TVP23B: variants seen among roughly 807,000 people sequenced by gnomAD.
TVP23B encodes the protein Golgi apparatus membrane protein TVP23 homolog B.
A neutral mutation model predicts 30.6 loss-of-function variants in TVP23B; 10 were observed. That is an observed-to-expected ratio of 0.33 (90% CI 0.20 to 0.55). TVP23B has a LOEUF of 0.55. Ranked by LOEUF, TVP23B falls within the 20% of genes least tolerant of loss-of-function variation. The probability of loss-of-function intolerance (pLI) is 0.91; values close to 1 mark genes in which losing one functional copy is unlikely to be tolerated. For synonymous variants in TVP23B, 67 were observed against 83.1 expected, an observed-to-expected ratio of 0.81 and a Z score of 1.06; for missense variants, 153 against 243.2, an observed-to-expected ratio of 0.63 and a Z score of 2.47.
chr17:18,792,966 C>T (rs1392626815), intron 3 of TVP23B, among the ~76,000 whole-genome samples: 1 of 152,138 alleles, frequency 6.6e-6, no homozygotes, highest in Non-Finnish European at 1.5e-5. Flanking sequence ...CTTTTGGTTT[C>T]CCTGGGCCAC....
chr17:18,789,361 T>C lies in TVP23B; in HGVS notation c.21T>C (p.Asn7=). 1 of 1,613,976 alleles carries C rather than the reference T, an allele frequency of 6.2e-7. No homozygotes were observed. Among genetic ancestry groups the C allele is most frequent in the East Asian group, 2.2e-5 (1 of 44,890 alleles). Residue 7 remains asparagine, a synonymous_variant, in exon 2 of 7, where the codon AAT becomes AAC. Coordinates refer to ENST00000307767, the MANE Select transcript of TVP23B (RefSeq NM_016078.6). MLQQDS[N]DDTEDVSLFD... ...TTTATTTTTCCTACCAGGATAGTAA[T>C]GATGACACTGAAGATGTTTCACTGT...
chr17:18,805,860 A>G lies in TVP23B; in HGVS notation c.*293A>G. 8.6e-7 allele frequency: 1 copy of G among 1,160,856 alleles called. No homozygotes were observed. Among genetic ancestry groups the G allele is most frequent in the Non-Finnish European group, 1.1e-6 (1 of 940,012 alleles). 71.9% of individuals were successfully genotyped at this position (1,160,856 alleles called of 1,614,324 possible). On this transcript the variant is annotated 3_prime_UTR_variant, in exon 7 of 7. Transcript: ENST00000307767. ...CGGCCATGTAATATCAGTATATCCC[A>G]AGTTAATGAAAGTGTTCATTTACAT...
intron 6 of TVP23B, 69 bp from the exon 7 acceptor site, chr17:18,805,472 C>G: frequency 1.3e-6 from 2 of 1,594,296 alleles, no homozygotes; most frequent in Non-Finnish European, 1.7e-6. Context: ...AGGCCTAGTC[C>G]CCAAGTCCAT....
At chr17:18,791,982 TA>T (rs1307306158) in intron 3 of TVP23B, among the ~76,000 whole-genome samples, 1 of 152,186 alleles carries the variant, frequency 6.6e-6, no homozygotes, top group African/African-American at 2.4e-5. Context: ...CAAAGACTAG[TA>T]AGATGTTACA....
At chr17:18,804,940 AT>A (rs1275555161) in intron 6 of TVP23B, among the ~76,000 whole-genome samples, 1 of 151,998 alleles carries the variant, frequency 6.6e-6, no homozygotes, top group Non-Finnish European at 1.5e-5. Flanking sequence ...AGACCATAAC[AT>A]TTGTACTCAG....
At chr17:18,789,052 G>T (rs1464595596) in intron 1 of TVP23B, 4 of 330,622 alleles carry the variant, frequency 1.2e-5, no homozygotes, top group Middle Eastern at 9.4e-4. Context: ...GAGAGAACAG[G>T]TGAGGAGGAC....
intron 6 of TVP23B, among the ~76,000 whole-genome samples, chr17:18,804,867 C>T (rs1478904143): frequency 9.3e-5 from 14 of 151,130 alleles, no homozygotes; most frequent in African/African-American, 1.7e-4. Flanking sequence ...GGATTACAGG[C>T]GTGAGCCACC....
At chr17:18,797,749 T>G in intron 4 of TVP23B, 81 bp downstream of exon 4, 1 of 1,228,726 alleles carries the variant, frequency 8.1e-7, no homozygotes, top group East Asian at 2.5e-5. Flanking sequence ...AGATGAAGTA[T>G]TCAGAATTAA....
chr17:18,804,613 G>C (rs1212876892), intron 6 of TVP23B: 1 of 1,144,450 alleles, frequency 8.7e-7, no homozygotes, highest in East Asian at 5.6e-5. Flanking sequence ...TTTTGAGACA[G>C]AGTTTTGCTC....
At chr17:18,795,016 C>CTTTTTTTT (rs781620472) in intron 3 of TVP23B, among the ~76,000 whole-genome samples, 1 of 46,218 alleles carries the variant, frequency 2.2e-5, no homozygotes, top group African/African-American at 8.6e-5. Context: ...CATCTCAAAT[C>CTTTTTTTT]TTTTTTTTTT....
intron 1 of TVP23B, 59 bp from the exon 2 acceptor site, chr17:18,789,294 A>G: frequency 6.2e-7 from 1 of 1,606,034 alleles, no homozygotes; most frequent in Non-Finnish European, 8.5e-7. Flanking sequence ...TTTGCATTGC[A>G]GTGGCTGTGT....
At chr17:18,781,563 G>A in intron 1 of TVP23B, 1 of 527,738 alleles carries the variant, frequency 1.9e-6, no homozygotes, top group South Asian at 3.5e-5. Context: ...ACCAGCGCGA[G>A]TGGGGGTCTC....
At chr17:18,797,067 A>T (rs1424259142) in intron 3 of TVP23B, 1 of 166,904 alleles carries the variant, frequency 6.0e-6, no homozygotes, top group Non-Finnish European at 1.3e-5. Flanking sequence ...TTACCAGCAC[A>T]TAGTAGATGC....
chr17:18,805,244 C>T (rs970222940), intron 6 of TVP23B, among the ~76,000 whole-genome samples: 5 of 152,004 alleles, frequency 3.3e-5, no homozygotes, highest in South Asian at 2.1e-4. Context: ...GCCGCCACCA[C>T]GCCTGGCTTT....
chr17:18,782,490 G>A (rs2035823156), intron 1 of TVP23B: 3 of 150,748 alleles, frequency 2.0e-5, no homozygotes, highest in Admixed American at 2.0e-4. Flanking sequence ...TGGCTACAGA[G>A]GGAGACTCCG....
intron 1 of TVP23B, among the ~76,000 whole-genome samples, chr17:18,782,892 G>A (rs1181715920): frequency 6.6e-6 from 1 of 150,744 alleles, no homozygotes; most frequent in Middle Eastern, 3.4e-3. Context: ...ATTTTGTGCC[G>A]ACCTCACATC....
At chr17:18,799,611 G>A (rs1240972672) in intron 5 of TVP23B, among the ~76,000 whole-genome samples, 5 of 152,162 alleles carry the variant, frequency 3.3e-5, no homozygotes, top group Non-Finnish European at 7.3e-5. Context: ...GGAATAAGAA[G>A]GTGCTAGAAG....
chr17:18,796,838 A>G (rs1197586343), intron 3 of TVP23B: 1 of 152,120 alleles, frequency 6.6e-6, no homozygotes, highest in Admixed American at 6.5e-5. Context: ...GTTGATTCTT[A>G]TTTATCTTTT....
chr17:18,793,724 G>A (rs1027741323), intron 3 of TVP23B, among the ~76,000 whole-genome samples: 1 of 151,954 alleles, frequency 6.6e-6, no homozygotes, highest in Admixed American at 6.6e-5. Context: ...CAAAGCAACT[G>A]TCAAGGAAGC....
Sources: gnomAD v4.1 joint callset for allele counts (sites outside exome capture counted in the v4.1 genomes callset) on GRCh38, gnomAD v4.1.1 for gene constraint, MANE v1.5 for transcripts, NCBI Gene and HGNC (gene_info 2026-07-23, HGNC 2026-07-21) for gene names.